ENTREP2: variants seen among roughly 807,000 people sequenced by gnomAD.
The protein encoded by ENTREP2 is protein ENTREP2.
chr15:29,163,036 C>T, the ENTREP2 span, among the ~76,000 whole-genome samples: 19 of 152,222 alleles, frequency 1.2e-4, no homozygotes, highest in South Asian at 4.1e-4. Context: ...AGACTTACTG[C>T]GTGGCCAGAC....
At chr15:29,671,523 CAGTT>C in the ENTREP2 span, among the ~76,000 whole-genome samples, 10 of 152,260 alleles carry the variant, frequency 6.6e-5, no homozygotes, top group Admixed American at 4.6e-4. Flanking sequence ...ATAGGACACT[CAGTT>C]GGTACTGAGA....
chr15:29,356,408 G>A, the ENTREP2 span, among the ~76,000 whole-genome samples: 1 of 142,624 alleles, frequency 7.0e-6, no homozygotes, highest in African/African-American at 2.6e-5. Flanking sequence ...CTGGGTTCAC[G>A]CCATTCTCCC....
chr15:29,256,367 C>T, the ENTREP2 span, among the ~76,000 whole-genome samples: 8 of 152,142 alleles, frequency 5.3e-5, no homozygotes, highest in African/African-American at 1.2e-4. Flanking sequence ...ACAAAAAAAC[C>T]GCAAACAAAA....
chr15:29,663,886 C>T, the ENTREP2 span, among the ~76,000 whole-genome samples: 92 of 152,140 alleles, frequency 6.0e-4, 1 homozygote, highest in East Asian at 0.016. Flanking sequence ...AAATTAGCTG[C>T]GCATGATGGT....
At chr15:29,456,872 A>G in the ENTREP2 span, among the ~76,000 whole-genome samples, 1 of 152,210 alleles carries the variant, frequency 6.6e-6, no homozygotes, top group Non-Finnish European at 1.5e-5. Context: ...TTACTTGGTT[A>G]GCGTAAAAAG....
the ENTREP2 span, among the ~76,000 whole-genome samples, chr15:29,216,407 T>G: frequency 6.6e-6 from 1 of 152,208 alleles, no homozygotes; most frequent in East Asian, 1.9e-4. Flanking sequence ...GATTCTTTCC[T>G]TTGTCTAACT....
chr15:29,660,401 C>A, the ENTREP2 span, among the ~76,000 whole-genome samples: 1 of 152,186 alleles, frequency 6.6e-6, no homozygotes, highest in Non-Finnish European at 1.5e-5. Context: ...TGAGGACACA[C>A]ACACAAATGC....
chr15:29,467,510 G>A, the ENTREP2 span, among the ~76,000 whole-genome samples: 3 of 152,120 alleles, frequency 2.0e-5, no homozygotes, highest in African/African-American at 4.8e-5. Context: ...CTGAGTGTTC[G>A]ATGGGAACAC....
chr15:29,337,167 A>T, the ENTREP2 span, among the ~76,000 whole-genome samples: 1 of 152,188 alleles, frequency 6.6e-6, no homozygotes, highest in Non-Finnish European at 1.5e-5. Flanking sequence ...ATGGAGCTTA[A>T]GAGCAAGTTG....
the ENTREP2 span, among the ~76,000 whole-genome samples, chr15:29,158,025 C>A: frequency 6.6e-6 from 1 of 152,240 alleles, no homozygotes; most frequent in African/African-American, 2.4e-5. Context: ...CCAATAGCGA[C>A]ATCTCTTAAT....
chr15:29,256,085 A>G, the ENTREP2 span, among the ~76,000 whole-genome samples: 1 of 152,138 alleles, frequency 6.6e-6, no homozygotes, highest in Non-Finnish European at 1.5e-5. Context: ...GAATTAACAC[A>G]AACAAAACCA....
chr15:29,258,549 CTAATT>C, the ENTREP2 span, among the ~76,000 whole-genome samples: 4 of 151,714 alleles, frequency 2.6e-5, no homozygotes, highest in Non-Finnish European at 5.9e-5. Flanking sequence ...CTTGCATTTT[CTAATT>C]TGTTTTTTAA....
At chr15:29,278,381 T>C in the ENTREP2 span, among the ~76,000 whole-genome samples, 1 of 152,304 alleles carries the variant, frequency 6.6e-6, no homozygotes, top group Non-Finnish European at 1.5e-5. Flanking sequence ...AGCCCGTGTC[T>C]CCCTTCTGAG....
At chr15:29,492,056 T>C in the ENTREP2 span, among the ~76,000 whole-genome samples, 6 of 136,796 alleles carry the variant, frequency 4.4e-5, no homozygotes, top group African/African-American at 1.5e-4. Context: ...ATTTCTACTG[T>C]TGGTTTGATT....
the ENTREP2 span, among the ~76,000 whole-genome samples, chr15:29,200,908 C>T: frequency 1.3e-5 from 2 of 152,164 alleles, no homozygotes; most frequent in African/African-American, 2.4e-5. Flanking sequence ...ATATTTACTA[C>T]ATTGAATTTT....
chr15:29,154,654 C>T, the ENTREP2 span, among the ~76,000 whole-genome samples: 1 of 152,206 alleles, frequency 6.6e-6, no homozygotes, highest in Non-Finnish European at 1.5e-5. Context: ...ACGGGGAATG[C>T]CACCCTCACT....
At chr15:29,236,495 A>T in the ENTREP2 span, among the ~76,000 whole-genome samples, 2 of 152,054 alleles carry the variant, frequency 1.3e-5, no homozygotes, top group African/African-American at 4.8e-5. Flanking sequence ...ACATAAAAAA[A>T]AAAAGTAGCC....
At chr15:29,119,235 C>T in the ENTREP2 span, among the ~76,000 whole-genome samples, 9 of 152,144 alleles carry the variant, frequency 5.9e-5, no homozygotes, top group African/African-American at 9.7e-5. Flanking sequence ...GCGTATATGC[C>T]GAAATGTATA....
At chr15:29,626,157 G>A in the ENTREP2 span, among the ~76,000 whole-genome samples, 1 of 152,158 alleles carries the variant, frequency 6.6e-6, no homozygotes, top group East Asian at 1.9e-4. Flanking sequence ...AAATACAATT[G>A]ATTTTTCTGT....
Sources: gnomAD v4.1 joint callset for allele counts (sites outside exome capture counted in the v4.1 genomes callset) on GRCh38, gnomAD v4.1.1 for gene constraint, MANE v1.5 for transcripts, NCBI Gene and HGNC (gene_info 2026-07-23, HGNC 2026-07-21) for gene names.